Variants in CLVS1 observed in about 807,000 individuals in gnomAD.
The protein encoded by CLVS1 is clavesin 1.
In CLVS1, 10 loss-of-function variants were observed where a neutral mutation model predicts 33.1. The ratio of observed to expected loss-of-function variants is 0.30; its 90% CI spans 0.19 to 0.51. The LOEUF (loss-of-function observed/expected upper bound fraction) is 0.51. CLVS1 is among the 20% of genes least tolerant of loss of function. The pLI is 0.97. For synonymous variants in CLVS1, 163 were observed against 166.1 expected, an observed-to-expected ratio of 0.98 and a Z score of 0.14; for missense variants, 343 against 433.4, an observed-to-expected ratio of 0.79 and a Z score of 1.85.
At chr8:61,071,991 A>G (rs1804805186) in intron 1 of CLVS1, among the ~76,000 whole-genome samples, 1 of 152,234 alleles carries the variant, frequency 6.6e-6, no homozygotes, top group Non-Finnish European at 1.5e-5. Context: ...CTGTGAGGGC[A>G]CATCAAAGTG....
chr8:61,203,353 C>T (rs984848071), intron 2 of CLVS1: 3 of 582,812 alleles, frequency 5.1e-6, no homozygotes, highest in African/African-American at 1.9e-5. Context: ...TAAATGTTGT[C>T]CAGGTTCTAT....
At chr8:61,370,267 A>G (rs934240774) in intron 2 of CLVS1, 2 of 152,072 alleles carry the variant, frequency 1.3e-5, no homozygotes, top group African/African-American at 4.8e-5. Context: ...GGTTACATGG[A>G]TAAGTTCTTT....
chr8:61,304,386 C>T (rs1260371865), intron 2 of CLVS1, among the ~76,000 whole-genome samples: 5 of 152,222 alleles, frequency 3.3e-5, no homozygotes, highest in Non-Finnish European at 7.3e-5. Flanking sequence ...CTGGCCTTGC[C>T]TGGGCATTGG....
intron 2 of CLVS1, among the ~76,000 whole-genome samples, chr8:61,259,248 T>G (rs1809148948): frequency 6.6e-6 from 1 of 152,226 alleles, no homozygotes; most frequent in African/African-American, 2.4e-5. Flanking sequence ...GGTTTCCATT[T>G]GGCTGAGGGC....
intron 3 of CLVS1, among the ~76,000 whole-genome samples, chr8:61,407,813 G>A (rs1047203275): frequency 6.6e-6 from 1 of 152,218 alleles, no homozygotes; most frequent in Admixed American, 6.5e-5. Context: ...GTAGAAAAGG[G>A]TGATCAACAA....
intron 3 of CLVS1, among the ~76,000 whole-genome samples, chr8:61,421,549 A>G (rs1046396523): frequency 2.6e-5 from 4 of 152,148 alleles, no homozygotes; most frequent in Non-Finnish European, 4.4e-5. Context: ...AGCTAACTAC[A>G]ATGCCCTAGC....
At chr8:61,131,736 A>G (rs1277869092) in intron 1 of CLVS1, 1 of 151,922 alleles carries the variant, frequency 6.6e-6, no homozygotes, top group East Asian at 1.9e-4. Flanking sequence ...CTGTTTTTTA[A>G]AATCCAGACT....
chr8:60,999,248 C>G, the CLVS1 span, among the ~76,000 whole-genome samples: 1 of 152,136 alleles, frequency 6.6e-6, no homozygotes, highest in Non-Finnish European at 1.5e-5. Flanking sequence ...AGTTACTGTG[C>G]AAAGGAACAT....
At chr8:61,086,679 T>C (rs1805133088) in intron 1 of CLVS1, among the ~76,000 whole-genome samples, 1 of 152,216 alleles carries the variant, frequency 6.6e-6, no homozygotes, top group South Asian at 2.1e-4. Context: ...AGCAATCACC[T>C]TCTATGAATT....
At chr8:61,216,850 T>C (rs1226274262) in intron 2 of CLVS1, among the ~76,000 whole-genome samples, 2 of 152,126 alleles carry the variant, frequency 1.3e-5, no homozygotes, top group Non-Finnish European at 2.9e-5. Context: ...ATTGGTGTTC[T>C]TTTTTTATGT....
chr8:61,033,554 G>C, the CLVS1 span, among the ~76,000 whole-genome samples: 32 of 152,308 alleles, frequency 2.1e-4, no homozygotes, highest in South Asian at 5.2e-3. Context: ...CCTCAGTCAG[G>C]GGGGAGTGTG....
intron 2 of CLVS1, among the ~76,000 whole-genome samples, chr8:61,357,372 A>G (rs1563513849): frequency 6.6e-6 from 1 of 152,124 alleles, no homozygotes; most frequent in Non-Finnish European, 1.5e-5. Context: ...GATAGATAAA[A>G]CAACCATGCA....
intron 5 of CLVS1, among the ~76,000 whole-genome samples, chr8:61,480,077 G>A (rs1025531739): frequency 3.9e-5 from 6 of 152,102 alleles, no homozygotes; most frequent in Non-Finnish European, 1.5e-5. Flanking sequence ...ATCTCAAGCT[G>A]TGTGCTGGGA....
chr8:60,974,579 C>A, the CLVS1 span, among the ~76,000 whole-genome samples: 1 of 152,228 alleles, frequency 6.6e-6, no homozygotes, highest in Admixed American at 6.5e-5. Flanking sequence ...CTCTCTGATT[C>A]TTTCAGTGGA....
chr8:61,266,916 G>A (rs898824224), intron 2 of CLVS1, among the ~76,000 whole-genome samples: 5 of 152,130 alleles, frequency 3.3e-5, no homozygotes, highest in Non-Finnish European at 2.9e-5. Context: ...TTGTCAACCC[G>A]TATGCCTGGT....
intron 1 of CLVS1, among the ~76,000 whole-genome samples, chr8:61,098,797 C>G (rs1400631170): frequency 2.0e-5 from 3 of 152,126 alleles, no homozygotes; most frequent in Non-Finnish European, 4.4e-5. Flanking sequence ...GGAGCAAAAC[C>G]TAGTAACATT....
chr8:61,057,458 ACT>A (rs1235858594), intron 1 of CLVS1, among the ~76,000 whole-genome samples: 4 of 151,158 alleles, frequency 2.6e-5, no homozygotes, highest in Non-Finnish European at 5.9e-5. Context: ...GTGGGTTTGT[ACT>A]CTCTGTTTCT....
In CLVS1 at chr8:61,499,917, A is replaced by AAATT. The variant is rs556796303; in HGVS notation, c.*378_*381dup. On this transcript the variant is annotated 3_prime_UTR_variant, in exon 6 of 6. Coordinates refer to ENST00000325897, the MANE Select transcript of CLVS1 (RefSeq NM_173519.3). ...CACAGGGACCCTCTCCAGTTTTTGA[A>AAATT]AATTAAGTGCATTTCCAAGTAAATG... The AAATT allele has an allele frequency of 4.2e-3, 734 of 173,500 alleles. 4 individuals carry two copies. The highest frequency in any genetic ancestry group is 6.2e-3 in the Non-Finnish European group (494 of 79,536). The allele number at this position is 173,500 out of a possible 1,614,324, so 10.7% of individuals were successfully genotyped here. A position where few individuals can be genotyped will look rare whatever the true frequency, so the allele number is the denominator to read the frequency against.
At chr8:61,480,906 T>C (rs1273666640) in intron 5 of CLVS1, among the ~76,000 whole-genome samples, 1 of 152,028 alleles carries the variant, frequency 6.6e-6, no homozygotes, top group African/African-American at 2.4e-5. Context: ...TATTCTTGGG[T>C]AGTGTGATCC....
Sources: gnomAD v4.1 joint callset for allele counts (sites outside exome capture counted in the v4.1 genomes callset) on GRCh38, gnomAD v4.1.1 for gene constraint, MANE v1.5 for transcripts, NCBI Gene and HGNC (gene_info 2026-07-23, HGNC 2026-07-21) for gene names.